Variants in ANKRD31 observed in about 807,000 individuals in gnomAD.
ANKRD31 encodes ankyrin repeat domain-containing protein 31.
A neutral mutation model predicts 186.0 loss-of-function variants in ANKRD31; 147 were observed. That is an observed-to-expected ratio of 0.79 (90% CI 0.69 to 0.91). The LOEUF is 0.91. Ranked by LOEUF, ANKRD31 falls within the 40% of genes least tolerant of loss-of-function variation. The probability of loss-of-function intolerance (pLI) is 0.00; values close to 1 mark genes in which losing one functional copy is unlikely to be tolerated. For synonymous variants in ANKRD31, 673 were observed against 736.4 expected (o/e 0.91, Z 1.39); for missense variants, 1,986 against 2,148.8 (o/e 0.92, Z 1.50).
At chr5:75,127,446 G>T (rs1409760654) in intron 17 of ANKRD31, among the ~76,000 whole-genome samples, 3 of 152,116 alleles carry the variant, frequency 2.0e-5, no homozygotes, top group Non-Finnish European at 4.4e-5. Flanking sequence ...CTTTAAGAAA[G>T]AAATATCTAG....
chr5:75,236,730 C>G lies in ANKRD31; in HGVS notation c.-44G>C. The G allele has an allele frequency of 6.9e-7, 1 of 1,447,106 alleles. No homozygotes were observed. The highest frequency in any genetic ancestry group is 9.2e-7 in the Non-Finnish European group (1 of 1,083,912). 89.6% of individuals were successfully genotyped at this position (1,447,106 alleles called of 1,614,324 possible). A position where few individuals can be genotyped will look rare whatever the true frequency, so the allele number is the denominator to read the frequency against. ...GTCTTTTTTACCCTCCTCTAACTCC[C>G]TCTTGCCCGCAAACAAAAAAACGCT... On this transcript the variant is annotated 5_prime_UTR_variant, in exon 1 of 26. Coordinates refer to ENST00000506364, the MANE Select transcript of ANKRD31 (RefSeq NM_001372053.1).
chr5:75,164,398 G>C (rs114480221), intron 11 of ANKRD31, among the ~76,000 whole-genome samples: 8 of 152,288 alleles, frequency 5.3e-5, no homozygotes, highest in African/African-American at 1.7e-4. Flanking sequence ...GGTAGCAACA[G>C]ATAACTAATA....
Position 75,104,932 on chromosome 5 carries a change from G to A in ANKRD31, c.4627C>T (p.Gln1543Ter). Residue 1543 changes from glutamine (Q) to a stop codon, truncating the protein, a stop_gained, in exon 22 of 26, where the codon CAA (glutamine) becomes TAA (stop). Transcript: ENST00000506364. LOFTEE classifies it high-confidence loss of function. ...TAGTTCCAAGTTTCCAGAGACAATT[G>A]TGTTTCCTGCATGCTTCCAGAAACA... ...SPVSGSMQETQLSLETWNYSQ... is the reference protein window; with the variant it reads ...SPVSGSMQET 1 of 1,537,124 alleles carries A rather than the reference G, an allele frequency of 6.5e-7. No individual in the cohort carries two copies. Among genetic ancestry groups the A allele is most frequent in the Admixed American group, 2.0e-5 (1 of 50,982 alleles).
intron 25 of ANKRD31, among the ~76,000 whole-genome samples, chr5:75,078,134 A>G (rs749717507): frequency 6.6e-6 from 1 of 152,156 alleles, no homozygotes; most frequent in Non-Finnish European, 1.5e-5. Flanking sequence ...GAAAAAAATT[A>G]AGATTAAAAA....
chr5:75,222,268 C>T lies in ANKRD31; in HGVS notation c.269G>A (p.Ser90Asn). 4.6e-6 allele frequency: 7 copies of T among 1,535,710 alleles called. No homozygotes were observed. The highest frequency in any genetic ancestry group is 5.2e-6 in the Non-Finnish European group (6 of 1,145,794). The change falls in exon 3 of 26, where the codon AGC becomes AAC. Residue 90 changes from serine (S) to asparagine (N), a missense_variant. By Grantham distance (46) the Ser-to-Asn change is conservative (BLOSUM62 1). Transcript: ENST00000506364. Reference sequence around the variant, plus strand: ...ACACACCTGTAATATTGTATCCTCGCTAAGAACAGGCATCATCTTATTTTT... The same window carrying T: ...ACACACCTGTAATATTGTATCCTCGTTAAGAACAGGCATCATCTTATTTTT... The part of the protein sequence containing the change: ...MNKNKMMPVL[S>N]EDTILQSQDE...
chr5:75,232,839 CA>C (rs1456772132), intron 1 of ANKRD31, among the ~76,000 whole-genome samples: 1 of 152,092 alleles, frequency 6.6e-6, no homozygotes, highest in East Asian at 1.9e-4. Flanking sequence ...TTCTTGAAAA[CA>C]GGAGATAAAA....
intron 15 of ANKRD31, among the ~76,000 whole-genome samples, chr5:75,143,453 C>T (rs1245666107): frequency 6.6e-6 from 1 of 152,060 alleles, no homozygotes; most frequent in African/African-American, 2.4e-5. Context: ...TAGAGAATGC[C>T]TAATTCAGTG....
chr5:75,212,417 A>G (rs1361485240), intron 3 of ANKRD31, among the ~76,000 whole-genome samples: 2 of 152,142 alleles, frequency 1.3e-5, no homozygotes, highest in Non-Finnish European at 2.9e-5. Flanking sequence ...GTTGGAGACC[A>G]GCCTAGGAAA....
chr5:75,197,586 T>C (rs981953623), intron 6 of ANKRD31, among the ~76,000 whole-genome samples: 1 of 152,212 alleles, frequency 6.6e-6, no homozygotes, highest in African/African-American at 2.4e-5. Context: ...ATGCTAACTA[T>C]AATTTTCTCA....
chr5:75,177,067 C>A (rs1439129342), intron 10 of ANKRD31, among the ~76,000 whole-genome samples: 2 of 152,036 alleles, frequency 1.3e-5, no homozygotes, highest in Non-Finnish European at 2.9e-5. Context: ...AACCACGGCA[C>A]GAGAACTACG....
At chr5:75,114,927 CA>C (rs1239654161) in intron 19 of ANKRD31, among the ~76,000 whole-genome samples, 1 of 151,936 alleles carries the variant, frequency 6.6e-6, no homozygotes, top group African/African-American at 2.4e-5. Context: ...CATATGGAAC[CA>C]AAAAAGAGCC....
chr5:75,229,027 T>C (rs989005540), intron 2 of ANKRD31, among the ~76,000 whole-genome samples: 2 of 145,146 alleles, frequency 1.4e-5, no homozygotes, highest in African/African-American at 2.5e-5. Context: ...TTTTTTTTTC[T>C]ATTTCACACT....
intron 10 of ANKRD31, among the ~76,000 whole-genome samples, chr5:75,177,001 T>C (rs1225872649): frequency 1.3e-5 from 2 of 152,028 alleles, no homozygotes; most frequent in Non-Finnish European, 2.9e-5. Flanking sequence ...ATTAGACGAA[T>C]GGATAACTAG....
chr5:75,207,174 G>A (rs1006729280), intron 4 of ANKRD31, among the ~76,000 whole-genome samples: 5 of 152,068 alleles, frequency 3.3e-5, no homozygotes, highest in African/African-American at 4.8e-5. Flanking sequence ...TTTTAATGCA[G>A]TAGGCACAGC....
chr5:75,101,490 A>T (rs549725531), intron 22 of ANKRD31, among the ~76,000 whole-genome samples: 1 of 152,172 alleles, frequency 6.6e-6, no homozygotes, highest in East Asian at 1.9e-4. Context: ...AGGTTGGGGA[A>T]GTTCTCCTGG....
In ANKRD31 at chr5:75,230,557, C is replaced by A; in HGVS notation, c.178+5G>T. 1.3e-6 allele frequency: 2 copies of A among 1,533,236 alleles called. No individual in the cohort carries two copies. The highest frequency in any genetic ancestry group is 1.7e-6 in the Non-Finnish European group (2 of 1,143,670). 95.0% of individuals were successfully genotyped at this position (1,533,236 alleles called of 1,614,324 possible). On this transcript the variant is annotated splice_donor_5th_base_variant and intron_variant, in intron 2 of 25. Coordinates refer to ENST00000506364, the MANE Select transcript of ANKRD31 (RefSeq NM_001372053.1). ...GGACTACTTAATGAAAAGAATCATT[C>A]TCACCTTTGCACATTCCTCTTGTAT...
chr5:75,151,459 A>T (rs1751834686), intron 12 of ANKRD31, among the ~76,000 whole-genome samples: 1 of 151,940 alleles, frequency 6.6e-6, no homozygotes, highest in African/African-American at 2.4e-5. Flanking sequence ...AATAAGTCTC[A>T]CAATATCTGA....
At chr5:75,103,675 A>G (rs557734589) in intron 22 of ANKRD31, among the ~76,000 whole-genome samples, 123 of 152,240 alleles carry the variant, frequency 8.1e-4, no homozygotes, top group Non-Finnish European at 1.2e-3. Flanking sequence ...AGCCATAAAA[A>G]GGAACGAGAT....
At position 75,104,753 on chromosome 5, in the gene ANKRD31, TAA is replaced by T; in HGVS notation, c.4804_4805del (p.Leu1602ThrfsTer19). 1 of 1,537,282 alleles carries T rather than the reference TAA, an allele frequency of 6.5e-7. No homozygotes were observed. The highest frequency in any genetic ancestry group is 8.7e-7 in the Non-Finnish European group (1 of 1,146,910). On this transcript the variant is annotated frameshift_variant, in exon 22 of 26. Coordinates refer to ENST00000506364, the MANE Select transcript of ANKRD31 (RefSeq NM_001372053.1). LOFTEE classifies it high-confidence loss of function. ...CAATAAAAGCAACAGGTTGGGATGG[TAA>T]TTTATTCTTCTCTGTGCCATCTGAA... is the stretch of plus-strand genomic sequence containing the variant. ...RHSDGTEKNK[L>X]PSQPVAFIGQ... is the part of the protein sequence containing the mutation.
Sources: gnomAD v4.1 joint callset for allele counts (sites outside exome capture counted in the v4.1 genomes callset) on GRCh38, gnomAD v4.1.1 for gene constraint, MANE v1.5 for transcripts, NCBI Gene and HGNC (gene_info 2026-07-23, HGNC 2026-07-21) for gene names.